AFG2A: variants seen among roughly 807,000 people sequenced by gnomAD.
AFG2A encodes ATPase family gene 2 protein homolog A.
chr4:122,933,639 T>C, the AFG2A span: 1 of 655,522 alleles, frequency 1.5e-6, no homozygotes, highest in Admixed American at 3.2e-5. Flanking sequence ...ATGAATATAC[T>C]TTTAAGATAG....
At chr4:123,253,328 C>A in the AFG2A span, among the ~76,000 whole-genome samples, 1 of 151,964 alleles carries the variant, frequency 6.6e-6, no homozygotes, top group Admixed American at 6.6e-5. Context: ...ACTAAAAATA[C>A]AAAAAATTAG....
At chr4:122,947,621 A>C in the AFG2A span, 1 of 1,155,238 alleles carries the variant, frequency 8.7e-7, no homozygotes, top group Non-Finnish European at 1.1e-6. Flanking sequence ...TGTAATTTTT[A>C]TTTGAAAAAA....
chr4:123,124,431 T>C, the AFG2A span, among the ~76,000 whole-genome samples: 1 of 152,128 alleles, frequency 6.6e-6, no homozygotes, highest in African/African-American at 2.4e-5. Context: ...AGGTGGGAAT[T>C]GAACAATGAG....
the AFG2A span, among the ~76,000 whole-genome samples, chr4:123,003,673 C>T: frequency 1.3e-5 from 2 of 151,954 alleles, no homozygotes; most frequent in African/African-American, 4.8e-5. Context: ...GAAGTTTTGT[C>T]TCAGAGGAGT....
At chr4:123,122,822 T>C in the AFG2A span, among the ~76,000 whole-genome samples, 1 of 151,966 alleles carries the variant, frequency 6.6e-6, no homozygotes, top group East Asian at 1.9e-4. Context: ...GGATAGTATT[T>C]GGAAATCCAC....
the AFG2A span, among the ~76,000 whole-genome samples, chr4:123,133,029 C>G: frequency 6.6e-6 from 1 of 152,176 alleles, no homozygotes; most frequent in African/African-American, 2.4e-5. Flanking sequence ...ATCCGCCCGC[C>G]TAGGCCTCCC....
chr4:122,939,058 T>C, the AFG2A span, among the ~76,000 whole-genome samples: 2 of 147,118 alleles, frequency 1.4e-5, no homozygotes, highest in Non-Finnish European at 3.0e-5. Flanking sequence ...GATTCTCTCA[T>C]AGGGGATATG....
chr4:122,995,993 G>T, the AFG2A span, among the ~76,000 whole-genome samples: 3 of 152,116 alleles, frequency 2.0e-5, no homozygotes, highest in Non-Finnish European at 2.9e-5. Context: ...TCGCCCTTTA[G>T]TTCATTGGTC....
chr4:123,099,426 C>G, the AFG2A span, among the ~76,000 whole-genome samples: 1 of 151,660 alleles, frequency 6.6e-6, no homozygotes, highest in South Asian at 2.1e-4. Flanking sequence ...AAATTATTGT[C>G]CAGGCCAGTG....
chr4:123,172,381 T>C, the AFG2A span, among the ~76,000 whole-genome samples: 1 of 152,212 alleles, frequency 6.6e-6, no homozygotes, highest in Non-Finnish European at 1.5e-5. Context: ...GCATGATAAA[T>C]TAGCTTCCTA....
At chr4:123,126,180 C>T in the AFG2A span, among the ~76,000 whole-genome samples, 4 of 152,166 alleles carry the variant, frequency 2.6e-5, no homozygotes, top group Non-Finnish European at 5.9e-5. Flanking sequence ...GTGATATGCA[C>T]GTACTATTAT....
chr4:123,141,878 G>A, the AFG2A span, among the ~76,000 whole-genome samples: 1 of 152,018 alleles, frequency 6.6e-6, no homozygotes, highest in Admixed American at 6.6e-5. Flanking sequence ...TTACTCACTT[G>A]CCACTTTTTT....
chr4:122,959,013 G>T, the AFG2A span, among the ~76,000 whole-genome samples: 4 of 152,254 alleles, frequency 2.6e-5, no homozygotes, highest in African/African-American at 9.6e-5. Flanking sequence ...TGAAAACACA[G>T]TTCTGGGGTC....
chr4:123,277,302 A>G, the AFG2A span, among the ~76,000 whole-genome samples: 1 of 152,128 alleles, frequency 6.6e-6, no homozygotes, highest in Non-Finnish European at 1.5e-5. Context: ...GTGTATATCA[A>G]TGCTACTGAT....
At chr4:123,159,149 A>G in the AFG2A span, among the ~76,000 whole-genome samples, 1 of 152,214 alleles carries the variant, frequency 6.6e-6, no homozygotes, top group Non-Finnish European at 1.5e-5. Flanking sequence ...GATTAAAAGT[A>G]TGTCTTTTAT....
At chr4:123,092,485 A>G in the AFG2A span, among the ~76,000 whole-genome samples, 2 of 152,342 alleles carry the variant, frequency 1.3e-5, no homozygotes, top group Middle Eastern at 3.4e-3. Flanking sequence ...AGTAAACTTA[A>G]CTGCATTTTT....
chr4:122,984,388 T>G, the AFG2A span, among the ~76,000 whole-genome samples: 2 of 152,162 alleles, frequency 1.3e-5, no homozygotes. Flanking sequence ...AGGTAAATGA[T>G]CATATCGTCA....
chr4:123,114,186 G>C, the AFG2A span, among the ~76,000 whole-genome samples: 2 of 152,198 alleles, frequency 1.3e-5, no homozygotes, highest in Non-Finnish European at 2.9e-5. Flanking sequence ...ATGAGCCTCA[G>C]AGGGGAGGAA....
chr4:123,070,070 A>G, the AFG2A span, among the ~76,000 whole-genome samples: 1,565 of 152,250 alleles, frequency 0.01, 36 homozygotes, highest in African/African-American at 0.035. Context: ...GTTAATCTGG[A>G]TGCATCTGTT....
Sources: gnomAD v4.1 joint callset for allele counts (sites outside exome capture counted in the v4.1 genomes callset) on GRCh38, gnomAD v4.1.1 for gene constraint, MANE v1.5 for transcripts, NCBI Gene and HGNC (gene_info 2026-07-23, HGNC 2026-07-21) for gene names.